The following ENTREP2 variants were observed in gnomAD, a reference collection of about 807,000 sequenced individuals.
ENTREP2 encodes protein ENTREP2.
chr15:29,224,270 G>A, the ENTREP2 span, among the ~76,000 whole-genome samples: 2 of 152,166 alleles, frequency 1.3e-5, no homozygotes, highest in Admixed American at 6.5e-5. Flanking sequence ...CAGGAGTGAA[G>A]CTGCAGACCT....
At chr15:29,206,734 T>C in the ENTREP2 span, among the ~76,000 whole-genome samples, 2 of 152,200 alleles carry the variant, frequency 1.3e-5, no homozygotes, top group African/African-American at 4.8e-5. Context: ...GTGACGCACA[T>C]ACGGTAAATA....
chr15:29,392,143 T>G, the ENTREP2 span, among the ~76,000 whole-genome samples: 1 of 151,944 alleles, frequency 6.6e-6, no homozygotes, highest in African/African-American at 2.4e-5. Context: ...TTGTATTTTT[T>G]AGTGGAGAAG....
the ENTREP2 span, among the ~76,000 whole-genome samples, chr15:29,525,228 T>C: frequency 6.6e-6 from 1 of 152,236 alleles, no homozygotes; most frequent in Non-Finnish European, 1.5e-5. Context: ...TAGTTACATA[T>C]GACCCAGTAA....
the ENTREP2 span, chr15:29,234,993 C>T: frequency 7.3e-7 from 1 of 1,373,796 alleles, no homozygotes; most frequent in African/African-American, 1.4e-5. Flanking sequence ...CCATCATGCA[C>T]ATTTAGGGTT....
the ENTREP2 span, among the ~76,000 whole-genome samples, chr15:29,485,738 C>T: frequency 2.0e-5 from 3 of 152,082 alleles, no homozygotes; most frequent in African/African-American, 7.2e-5. Flanking sequence ...ATACAAATGG[C>T]CAGGAGATAT....
chr15:29,609,954 A>G, the ENTREP2 span: 6 of 150,676 alleles, frequency 4.0e-5, no homozygotes, highest in African/African-American at 1.2e-4. Flanking sequence ...ATGTACTTAA[A>G]TACTGTTAAG....
chr15:29,266,869 G>A, the ENTREP2 span: 1 of 152,116 alleles, frequency 6.6e-6, no homozygotes, highest in South Asian at 2.1e-4. Context: ...ATGGTAAATT[G>A]CTAACACCTC....
chr15:29,407,684 G>C, the ENTREP2 span, among the ~76,000 whole-genome samples: 3 of 151,884 alleles, frequency 2.0e-5, no homozygotes, highest in Non-Finnish European at 4.4e-5. Context: ...TTTTGGGTTG[G>C]GGGGAGCCCG....
chr15:29,303,803 T>C, the ENTREP2 span, among the ~76,000 whole-genome samples: 45 of 152,208 alleles, frequency 3.0e-4, no homozygotes, highest in African/African-American at 1.1e-3. Context: ...GTTCCATCTA[T>C]GTTGCTGCAA....
At chr15:29,240,364 GAAA>G in the ENTREP2 span, among the ~76,000 whole-genome samples, 1 of 118,220 alleles carries the variant, frequency 8.5e-6, no homozygotes. Flanking sequence ...CTCCGTCTCA[GAAA>G]AAAAAAAAAA....
chr15:29,420,582 C>T, the ENTREP2 span, among the ~76,000 whole-genome samples: 4 of 152,106 alleles, frequency 2.6e-5, no homozygotes, highest in African/African-American at 9.7e-5. Flanking sequence ...AAAAATTAGA[C>T]GTGTAAAAAT....
the ENTREP2 span, among the ~76,000 whole-genome samples, chr15:29,552,154 C>T: frequency 6.6e-6 from 1 of 152,030 alleles, no homozygotes; most frequent in Non-Finnish European, 1.5e-5. Context: ...CAAGATATGG[C>T]CTAAAATTCA....
At chr15:29,467,461 T>G in the ENTREP2 span, among the ~76,000 whole-genome samples, 770 of 152,250 alleles carry the variant, frequency 5.1e-3, 7 homozygotes, top group African/African-American at 0.018. Context: ...CTGTTCCATT[T>G]CCAGGGTGGC....
At chr15:29,436,253 A>G in the ENTREP2 span, among the ~76,000 whole-genome samples, 1 of 152,162 alleles carries the variant, frequency 6.6e-6, no homozygotes, top group East Asian at 1.9e-4. Context: ...TACTCAGATT[A>G]TCTTATATGT....
At chr15:29,404,936 G>C in the ENTREP2 span, among the ~76,000 whole-genome samples, 1 of 151,480 alleles carries the variant, frequency 6.6e-6, no homozygotes, top group Non-Finnish European at 1.5e-5. Context: ...GACATCTACT[G>C]ACCAGCTCAC....
At chr15:29,405,335 G>A in the ENTREP2 span, among the ~76,000 whole-genome samples, 1 of 151,398 alleles carries the variant, frequency 6.6e-6, no homozygotes, top group African/African-American at 2.4e-5. Flanking sequence ...GTTGCAGTGA[G>A]CCAAGATTGC....
At chr15:29,548,650 A>T in the ENTREP2 span, among the ~76,000 whole-genome samples, 1 of 152,314 alleles carries the variant, frequency 6.6e-6, no homozygotes, top group Non-Finnish European at 1.5e-5. Flanking sequence ...ATTAAAGAAG[A>T]AAGGATAATG....
At chr15:29,571,163 G>C in the ENTREP2 span, among the ~76,000 whole-genome samples, 1 of 151,344 alleles carries the variant, frequency 6.6e-6, no homozygotes, top group African/African-American at 2.4e-5. Context: ...GAAGGCGCAG[G>C]TGCGGTCCTG....
the ENTREP2 span, among the ~76,000 whole-genome samples, chr15:29,283,072 A>G: frequency 6.6e-6 from 1 of 152,214 alleles, no homozygotes; most frequent in Non-Finnish European, 1.5e-5. Flanking sequence ...AAGGTCAGGC[A>G]GTCTGGAGAC....
Sources: allele counts gnomAD v4.1 joint callset (sites outside exome capture counted in the v4.1 genomes callset), GRCh38; gene constraint gnomAD v4.1.1; transcripts MANE v1.5; gene names NCBI Gene and HGNC (gene_info 2026-07-23, HGNC 2026-07-21).